The following PLPP4 variants were observed in gnomAD, a reference collection of about 807,000 sequenced individuals.
PLPP4 encodes the protein diacylglycerol pyrophosphate like 2.
In PLPP4, 20 loss-of-function variants were observed where a neutral mutation model predicts 32.2. That is an observed-to-expected ratio of 0.62 (90% confidence interval 0.44 to 0.90). The LOEUF (loss-of-function observed/expected upper bound fraction) is 0.90, where lower values mean the gene tolerates loss of function less well. PLPP4 is among the 40% of genes least tolerant of loss of function. The pLI, the probability that PLPP4 is intolerant of heterozygous loss-of-function variation, is 0.00. For missense variants in PLPP4, 257 were observed against 353.1 expected (o/e 0.73, Z 2.18); for synonymous variants, 127 against 133.0 (o/e 0.95, Z 0.31).
At chr10:120,466,762 A>G (rs1049723513) in intron 1 of PLPP4, among the ~76,000 whole-genome samples, 15 of 151,422 alleles carry the variant, frequency 9.9e-5, no homozygotes, top group African/African-American at 3.4e-4. Context: ...AAACGGGTAC[A>G]CTCTCTCACC....
At chr10:120,540,389 T>C (rs1414437617) in intron 5 of PLPP4, among the ~76,000 whole-genome samples, 1 of 152,218 alleles carries the variant, frequency 6.6e-6, no homozygotes, top group Non-Finnish European at 1.5e-5. Context: ...TTCTCATTTA[T>C]TTAGTCACTT....
At position 120,589,452 on chromosome 10, in the gene PLPP4, G is replaced by A. The variant is rs149429022; in HGVS notation, c.766G>A (p.Asp256Asn). ...GAAGAAAGAGGAGAGGCCCACAGCT[G>A]ACAGCGCACCCAGCTTGCCTCTGGA... The part of the protein sequence containing the change: ...SLKKEERPTA[D>N]SAPSLPLEGI... Residue 256 changes from aspartate to asparagine, a missense_variant, in exon 7 of 7, where the codon GAC becomes AAC. Physicochemically the swap from Asp to Asn is conservative, Grantham distance 23. Transcript: ENST00000398250. 42 of 1,614,098 alleles carry A rather than the reference G, an allele frequency of 2.6e-5. No homozygotes were observed. In the African/African-American group the frequency reaches 3.7e-4, roughly 14 times the overall value.
At position 120,589,516 on chromosome 10, in the gene PLPP4, A is replaced by G. The variant is rs777968491; in HGVS notation, c.*14A>G. On this transcript the variant is annotated 3_prime_UTR_variant, in exon 7 of 7. Transcript: ENST00000398250. ...GGCCCGGTATGACCAGTGTCCTGGG[A>G]GGATGGACACTAAGCCCTGGGCACA... is the stretch of plus-strand genomic sequence containing the variant. 1 of 1,606,900 alleles carries G rather than the reference A, an allele frequency of 6.2e-7. No individual in the cohort carries two copies. The highest frequency in any genetic ancestry group is 1.1e-5 in the South Asian group (1 of 90,792).
intron 1 of PLPP4, among the ~76,000 whole-genome samples, chr10:120,490,450 G>A (rs1358701678): frequency 1.3e-5 from 2 of 152,196 alleles, no homozygotes; most frequent in Admixed American, 6.5e-5. Flanking sequence ...GGAAGCCCCC[G>A]AGTTCTCCAG....
At chr10:120,571,093 C>CGTGTGTGTGTGTGTGTGT (rs60011757) in intron 5 of PLPP4, among the ~76,000 whole-genome samples, 2 of 144,576 alleles carry the variant, frequency 1.4e-5, no homozygotes, top group African/African-American at 5.2e-5. Context: ...AGTAAAGGGG[C>CGTGTGTGTGTGTGTGTGT]GTGTGTGTGT....
intron 1 of PLPP4, among the ~76,000 whole-genome samples, chr10:120,460,493 C>T (rs770188465): frequency 6.6e-6 from 1 of 152,190 alleles, no homozygotes; most frequent in African/African-American, 2.4e-5. Context: ...ATCACCAGTA[C>T]AATAGCAATC....
Position 120,584,932 on chromosome 10 carries a change from G to C in PLPP4, c.617-4371G>C, listed in dbSNP as rs79589786. Among the ~76,000 whole-genome samples the C allele has an allele frequency of 4.6e-3, 706 of 152,312 alleles. 11 individuals carry two copies. The highest frequency in any genetic ancestry group is 0.016 in the African/African-American group (664 of 41,544). ...AGGAATTGTCATTTCCATGCATGCT[G>C]CTATGTCAGTAAATCTGGGAAACAT... On this transcript the variant is annotated intron_variant, in intron 6 of 6. Transcript: ENST00000398250.
intron 5 of PLPP4, among the ~76,000 whole-genome samples, chr10:120,553,557 A>G (rs1848005994): frequency 6.6e-6 from 1 of 152,260 alleles, no homozygotes; most frequent in Non-Finnish European, 1.5e-5. Context: ...TATTTGTTAT[A>G]GCAGTCCCAA....
chr10:120,553,229 C>A (rs957023537), intron 5 of PLPP4, among the ~76,000 whole-genome samples: 2 of 152,036 alleles, frequency 1.3e-5, no homozygotes, highest in African/African-American at 4.8e-5. Flanking sequence ...ATGTGTTCCC[C>A]AAAATTCATA....
At chr10:120,495,302 T>A (rs1301907220) in intron 1 of PLPP4, among the ~76,000 whole-genome samples, 1 of 152,206 alleles carries the variant, frequency 6.6e-6, no homozygotes, top group Non-Finnish European at 1.5e-5. Context: ...GATAGCCAAC[T>A]ACTCCAATTC....
intron 1 of PLPP4, 111 bp from the exon 2 acceptor site, chr10:120,503,707 C>G: frequency 6.3e-7 from 1 of 1,590,494 alleles, no homozygotes; most frequent in South Asian, 1.1e-5. Context: ...TTTCCCCTTC[C>G]CCAGCAGGCT....
At chr10:120,585,924 C>G (rs1029651888) in intron 6 of PLPP4, among the ~76,000 whole-genome samples, 3 of 152,190 alleles carry the variant, frequency 2.0e-5, no homozygotes, top group Non-Finnish European at 4.4e-5. Context: ...AGACACGAAC[C>G]TGTATTCCTT....
chr10:120,573,545 G>A (rs1186233253), intron 5 of PLPP4, among the ~76,000 whole-genome samples: 1 of 152,156 alleles, frequency 6.6e-6, no homozygotes, highest in Non-Finnish European at 1.5e-5. Context: ...ACATAATCAT[G>A]TGGTTTTCAT....
intron 1 of PLPP4, among the ~76,000 whole-genome samples, chr10:120,464,672 C>T (rs1048290942): frequency 6.6e-6 from 1 of 152,192 alleles, no homozygotes; most frequent in African/African-American, 2.4e-5. Context: ...GAAGCGCTCT[C>T]AGCATAGCTG....
intron 5 of PLPP4, among the ~76,000 whole-genome samples, chr10:120,538,044 CTCTCTCTCTGTGTGTG>C (rs1847137311): frequency 3.2e-5 from 1 of 31,216 alleles, no homozygotes; most frequent in African/African-American, 1.3e-4. Flanking sequence ...CTCTCTCTCT[CTCTCTCTCTGTGTGTG>C]TGTGTGTGTG....
chr10:120,520,851 T>G, intron 4 of PLPP4, 120 bp from the exon 5 acceptor site: 9 of 1,198,378 alleles, frequency 7.5e-6, no homozygotes, highest in Non-Finnish European at 9.6e-6. Context: ...GGAGCTCCAG[T>G]GTTGACAGCC....
chr10:120,496,342 T>C (rs1844962118), intron 1 of PLPP4, among the ~76,000 whole-genome samples: 1 of 152,216 alleles, frequency 6.6e-6, no homozygotes, highest in Non-Finnish European at 1.5e-5. Context: ...GCTGGTGTGA[T>C]GTCAATATCA....
At chr10:120,588,830 G>A (rs1849884037) in intron 6 of PLPP4, among the ~76,000 whole-genome samples, 2 of 152,222 alleles carry the variant, frequency 1.3e-5, no homozygotes, top group East Asian at 1.9e-4. Flanking sequence ...CAGATCACAT[G>A]AGGTCAGGAG....
chr10:120,544,012 C>A (rs781679075), intron 5 of PLPP4, among the ~76,000 whole-genome samples: 1 of 152,182 alleles, frequency 6.6e-6, no homozygotes, highest in Non-Finnish European at 1.5e-5. Context: ...GTCCATTCAT[C>A]CAGCAGTGTA....
Sources: gnomAD v4.1 joint callset for allele counts (sites outside exome capture counted in the v4.1 genomes callset) on GRCh38, gnomAD v4.1.1 for gene constraint, MANE v1.5 for transcripts, NCBI Gene and HGNC (gene_info 2026-07-23, HGNC 2026-07-21) for gene names.